Variants in PPFIBP1 observed in about 807,000 individuals in gnomAD.
The protein encoded by PPFIBP1 is PPFIB scaffold protein 1.
PPFIBP1 carries 112 observed loss-of-function variants against 137.8 expected under a neutral mutation model. The observed-to-expected ratio is 0.81, with a 90% confidence interval of 0.70 to 0.95. PPFIBP1 has a LOEUF of 0.95. Ranked by LOEUF, PPFIBP1 falls within the 40% of genes least tolerant of loss-of-function variation. The probability of loss-of-function intolerance (pLI) is 0.00; values close to 1 mark genes in which losing one functional copy is unlikely to be tolerated. For missense variants in PPFIBP1, 1,083 were observed against 1,196.6 expected, an observed-to-expected ratio of 0.91 and a Z score of 1.40; for synonymous variants, 378 against 417.3, an observed-to-expected ratio of 0.91 and a Z score of 1.15.
intron 2 of PPFIBP1, among the ~76,000 whole-genome samples, chr12:27,589,442 G>A (rs1003158869): frequency 7.2e-5 from 11 of 152,112 alleles, no homozygotes; most frequent in African/African-American, 2.7e-4. Context: ...ACGGCACCTG[G>A]CCCATAATGT....
chr12:27,615,182 T>C (rs887152541), intron 2 of PPFIBP1, among the ~76,000 whole-genome samples: 2 of 152,216 alleles, frequency 1.3e-5, no homozygotes, highest in Non-Finnish European at 2.9e-5. Flanking sequence ...AAGATCCTAT[T>C]ATCCAGCTTT....
chr12:27,528,967 C>CCA (rs1230006960), intron 1 of PPFIBP1, among the ~76,000 whole-genome samples: 2 of 152,108 alleles, frequency 1.3e-5, no homozygotes, highest in East Asian at 1.9e-4. Context: ...TTTGACTGGC[C>CCA]CACACACACA....
At chr12:27,659,265 A>C (rs1322804567) in intron 10 of PPFIBP1, among the ~76,000 whole-genome samples, 12 of 152,168 alleles carry the variant, frequency 7.9e-5, no homozygotes, top group Admixed American at 7.9e-4. Flanking sequence ...TTTGTCTGGG[A>C]TCTATTAGAA....
intron 2 of PPFIBP1, among the ~76,000 whole-genome samples, chr12:27,613,401 G>A (rs1244326775): frequency 6.6e-6 from 1 of 152,178 alleles, no homozygotes; most frequent in Non-Finnish European, 1.5e-5. Context: ...ATGTAAGGAT[G>A]TTTTAAAAAT....
intron 2 of PPFIBP1, among the ~76,000 whole-genome samples, chr12:27,614,629 A>G (rs2055544521): frequency 1.3e-5 from 2 of 152,084 alleles, no homozygotes; most frequent in Non-Finnish European, 2.9e-5. Flanking sequence ...AGGCAGAGAG[A>G]GCCGGTCTGC....
intron 1 of PPFIBP1, among the ~76,000 whole-genome samples, chr12:27,551,197 A>G (rs1946742052): frequency 6.6e-6 from 1 of 152,110 alleles, no homozygotes; most frequent in Non-Finnish European, 1.5e-5. Flanking sequence ...GAGTTCCAGA[A>G]GAGTGTGATC....
chr12:27,550,267 A>C (rs2728717), intron 1 of PPFIBP1, among the ~76,000 whole-genome samples: 52,776 of 152,028 alleles, frequency 0.35, 9,632 homozygotes, highest in African/African-American at 0.44. Flanking sequence ...GATCCTCGTG[A>C]AGGGCTCTGG....
At chr12:27,629,066 T>C (rs1028125217) in intron 2 of PPFIBP1, among the ~76,000 whole-genome samples, 19 of 152,192 alleles carry the variant, frequency 1.2e-4, no homozygotes, top group African/African-American at 4.1e-4. Flanking sequence ...CCTGAAATCT[T>C]GGACAGTTAA....
intron 27 of PPFIBP1, among the ~76,000 whole-genome samples, chr12:27,690,396 G>T (rs1027302716): frequency 7.2e-5 from 11 of 152,198 alleles, no homozygotes; most frequent in Admixed American, 1.3e-4. Context: ...AGTCAGTAGA[G>T]CATCAGACTT....
chr12:27,567,695 G>GA (rs1039441515), intron 1 of PPFIBP1, among the ~76,000 whole-genome samples: 2 of 151,542 alleles, frequency 1.3e-5, no homozygotes, highest in African/African-American at 4.8e-5. Context: ...AAAGTTTCAG[G>GA]AAAAAAAATA....
In PPFIBP1 at chr12:27,681,651, A is replaced by C. The variant is rs2060880715; in HGVS notation, c.2001A>C (p.Ala667=). ...SYLNSGKHWI[A]SGQTLLQASQ... ...TGAATTCTGGCAAGCACTGGATTGC[A>C]TCTGGCCAAACGCTTTTGCAGGCTT... Residue 667 remains alanine, a synonymous_variant, in exon 22 of 30, where the codon GCA becomes GCC. Transcript: ENST00000228425. 1 of 1,614,090 alleles carries C rather than the reference A, an allele frequency of 6.2e-7. No homozygotes were observed.
At chr12:27,669,943 G>A (rs1024327949) in intron 13 of PPFIBP1, among the ~76,000 whole-genome samples, 1 of 152,152 alleles carries the variant, frequency 6.6e-6, no homozygotes, top group East Asian at 1.9e-4. Flanking sequence ...TGGACTTTCT[G>A]AGGCAAGTGA....
chr12:27,612,132 C>CT (rs762836172), intron 2 of PPFIBP1, among the ~76,000 whole-genome samples: 14 of 152,246 alleles, frequency 9.2e-5, no homozygotes, highest in Non-Finnish European at 1.6e-4. Flanking sequence ...TTGCAGCTGA[C>CT]TTTCTATCAG....
At chr12:27,632,453 A>C (rs561625821) in intron 2 of PPFIBP1, among the ~76,000 whole-genome samples, 1 of 152,338 alleles carries the variant, frequency 6.6e-6, no homozygotes, top group African/African-American at 2.4e-5. Flanking sequence ...ATGAATGCTG[A>C]AAATCACATT....
chr12:27,614,309 G>T (rs1425437916), intron 2 of PPFIBP1, among the ~76,000 whole-genome samples: 1 of 152,170 alleles, frequency 6.6e-6, no homozygotes, highest in East Asian at 1.9e-4. Context: ...AGCCCAGGAG[G>T]TTGAGGCTGC....
At chr12:27,543,627 G>C (rs570124907) in intron 1 of PPFIBP1, among the ~76,000 whole-genome samples, 83 of 152,236 alleles carry the variant, frequency 5.5e-4, no homozygotes, top group African/African-American at 1.5e-3. Context: ...CCATGTATAT[G>C]CTTCACCTAA....
At chr12:27,554,551 C>T (rs561810652) in intron 1 of PPFIBP1, among the ~76,000 whole-genome samples, 3 of 152,004 alleles carry the variant, frequency 2.0e-5, no homozygotes, top group Admixed American at 6.5e-5. Flanking sequence ...CTGTATGTCA[C>T]GCTGTGAATA....
chr12:27,571,871 G>A lies in PPFIBP1; in HGVS notation c.-123-6281G>A, dbSNP rs139613084. ...TTTAGTGGAAATACTTGATTTTACAGGATTTCTTAGGTATGGGTGCCTGAA... is the reference window on the plus strand; with the variant it reads ...TTTAGTGGAAATACTTGATTTTACAAGATTTCTTAGGTATGGGTGCCTGAA... On this transcript the variant is annotated intron_variant, in intron 1 of 29. Coordinates refer to ENST00000228425, the MANE Select transcript of PPFIBP1 (RefSeq NM_003622.4). Among the ~76,000 whole-genome samples, 72 of 152,256 alleles carry A rather than the reference G, an allele frequency of 4.7e-4. No individual in the cohort carries two copies. The East Asian group carries it at 9.6e-3, about 20-fold the overall frequency.
At chr12:27,661,588 G>GT (rs1377918512) in intron 11 of PPFIBP1, among the ~76,000 whole-genome samples, 1 of 152,136 alleles carries the variant, frequency 6.6e-6, no homozygotes, top group African/African-American at 2.4e-5. Context: ...ACCTGACCAC[G>GT]TATCTAGCAG....
Sources: gnomAD v4.1 joint callset for allele counts (sites outside exome capture counted in the v4.1 genomes callset) on GRCh38, gnomAD v4.1.1 for gene constraint, MANE v1.5 for transcripts, NCBI Gene and HGNC (gene_info 2026-07-23, HGNC 2026-07-21) for gene names.